Variants in PKHD1 observed in about 807,000 individuals in gnomAD.
The protein encoded by PKHD1 is PKHD1 ciliary IPT domain containing fibrocystin/polyductin, also known as fibrocystin.
PKHD1 carries 291 observed loss-of-function variants against 412.0 expected under a neutral mutation model. The ratio of observed to expected loss-of-function variants is 0.71; its 90% CI spans 0.64 to 0.78. The LOEUF is 0.78. Ranked by LOEUF, PKHD1 falls within the 30% of genes least tolerant of loss-of-function variation. The pLI, the probability that PKHD1 is intolerant of heterozygous loss-of-function variation, is 0.00. For missense variants in PKHD1, 4,825 were observed against 4,950.7 expected, an observed-to-expected ratio of 0.97 and a Z score of 0.76; for synonymous variants, 1,777 against 1,821.5, an observed-to-expected ratio of 0.98 and a Z score of 0.62.
intron 64 of PKHD1, among the ~76,000 whole-genome samples, chr6:51,636,423 T>G (rs1434868455): frequency 6.6e-6 from 1 of 152,194 alleles, no homozygotes; most frequent in East Asian, 1.9e-4. Context: ...CACACACGTC[T>G]GTAGTCCCAG....
chr6:51,894,033 T>C (rs1779508229), intron 43 of PKHD1, among the ~76,000 whole-genome samples: 1 of 152,154 alleles, frequency 6.6e-6, no homozygotes, highest in South Asian at 2.1e-4. Flanking sequence ...CCCTTGCTGT[T>C]TGAGAGCAAA....
chr6:51,811,689 A>G (rs1764708655), intron 52 of PKHD1, among the ~76,000 whole-genome samples: 1 of 152,156 alleles, frequency 6.6e-6, no homozygotes, highest in Admixed American at 6.6e-5. Context: ...GGGTGTTGTG[A>G]GGATTCCAAA....
At chr6:52,004,355 T>G (rs1798800331) in intron 35 of PKHD1, among the ~76,000 whole-genome samples, 1 of 152,216 alleles carries the variant, frequency 6.6e-6, no homozygotes, top group Non-Finnish European at 1.5e-5. Flanking sequence ...TAGTTTTCAT[T>G]TTCCTGCTGG....
Position 51,882,790 on chromosome 6 carries a change from A to G in PKHD1, c.7350+303T>C, listed in dbSNP as rs140725967. ...AAAATAACGAACTAGGCAAATTTCT[A>G]TTTCATGATTTGACCTCTTACTATG... On this transcript the variant is annotated intron_variant, in intron 46 of 66. Transcript: ENST00000371117. Among the ~76,000 whole-genome samples the G allele has an allele frequency of 2.6e-3, 402 of 152,298 alleles. 4 individuals carry two copies. Among genetic ancestry groups the G allele is most frequent in the African/African-American group, 8.7e-3 (362 of 41,566 alleles).
At chr6:51,672,367 AT>A in intron 60 of PKHD1, among the ~76,000 whole-genome samples, 1 of 152,324 alleles carries the variant, frequency 6.6e-6, no homozygotes, top group Non-Finnish European at 1.5e-5. Flanking sequence ...ATGAAGGAAT[AT>A]TTAGAGTGGA....
intron 4 of PKHD1, among the ~76,000 whole-genome samples, chr6:52,080,271 T>C (rs1247987977): frequency 6.6e-6 from 1 of 152,226 alleles, no homozygotes; most frequent in African/African-American, 2.4e-5. Context: ...AAATCATAGG[T>C]TCATTGGACT....
At chr6:51,756,351 T>C (rs1174591880) in intron 55 of PKHD1, among the ~76,000 whole-genome samples, 1 of 152,148 alleles carries the variant, frequency 6.6e-6, no homozygotes, top group Non-Finnish European at 1.5e-5. Context: ...ATGGAGCCAG[T>C]GATTGAATTA....
intron 25 of PKHD1, 86 bp from the exon 26 acceptor site, chr6:52,043,816 C>G: frequency 3.4e-6 from 3 of 870,998 alleles, no homozygotes; most frequent in Non-Finnish European, 5.9e-6. Context: ...TGCTCCCAAG[C>G]TGACACGTGT....
At chr6:52,030,914 A>T (rs13195344) in intron 29 of PKHD1, among the ~76,000 whole-genome samples, 43,113 of 152,086 alleles carry the variant, frequency 0.28, 6,323 homozygotes, top group East Asian at 0.46. Flanking sequence ...AAACAAGTGG[A>T]TGTGTAAAAG....
At chr6:51,795,477 A>G (rs1794460396) in intron 52 of PKHD1, among the ~76,000 whole-genome samples, 1 of 152,186 alleles carries the variant, frequency 6.6e-6, no homozygotes, top group Non-Finnish European at 1.5e-5. Context: ...CTGCAAACAA[A>G]GATAGTTTGA....
chr6:51,792,685 C>G (rs951874306), intron 52 of PKHD1, among the ~76,000 whole-genome samples: 3 of 152,184 alleles, frequency 2.0e-5, no homozygotes, highest in African/African-American at 7.2e-5. Context: ...TTCTGTATGC[C>G]TTTTCCCTCC....
chr6:51,735,849 A>G (rs1473864913), intron 60 of PKHD1, among the ~76,000 whole-genome samples: 3 of 152,102 alleles, frequency 2.0e-5, no homozygotes, highest in Non-Finnish European at 4.4e-5. Flanking sequence ...TGGGAGGATC[A>G]CTTGAGCCCA....
Position 52,025,175 on chromosome 6 carries a change from T to G in PKHD1, c.4635A>C (p.Pro1545=). 1 of 1,614,186 alleles carries G rather than the reference T, an allele frequency of 6.2e-7. No homozygotes were observed. The highest frequency in any genetic ancestry group is 8.5e-7 in the Non-Finnish European group (1 of 1,180,024). ...AAAAAACTGACAGGTAGTGGGGTCC[T>G]GGGGCCAAGTCTCTTGTCTGGCACA... ...HVVCQTRDLA[P]GPHYLSVFYT... The change falls in exon 32 of 67, where the codon CCA becomes CCC. Residue 1545 remains proline, a synonymous_variant. Coordinates refer to ENST00000371117, the MANE Select transcript of PKHD1 (RefSeq NM_138694.4).
chr6:51,675,955 C>G (rs1052198882), intron 60 of PKHD1, among the ~76,000 whole-genome samples: 3 of 151,936 alleles, frequency 2.0e-5, no homozygotes, highest in Admixed American at 1.3e-4. Flanking sequence ...CCTAAAATAC[C>G]CTGGTCATTC....
chr6:51,940,778 CCTT>C, intron 36 of PKHD1, among the ~76,000 whole-genome samples: 1 of 151,552 alleles, frequency 6.6e-6, no homozygotes, highest in Non-Finnish European at 1.5e-5. Context: ...CTCCACATTA[CCTT>C]CTTTTCAAGG....
At chr6:51,961,825 A>G (rs942914137) in intron 35 of PKHD1, among the ~76,000 whole-genome samples, 3 of 152,092 alleles carry the variant, frequency 2.0e-5, no homozygotes, top group Admixed American at 2.0e-4. Context: ...CAGAGATGGA[A>G]AGGACTCTAG....
rs534013408 is a variant in PKHD1 at position 51,842,817 on chromosome 6, G to A, written c.8107+4958C>T. Among the ~76,000 whole-genome samples, 5 of 152,336 alleles carry A rather than the reference G, an allele frequency of 3.3e-5. No individual in the cohort carries two copies. The East Asian group carries it at 9.6e-4, about 29-fold the overall frequency. On this transcript the variant is annotated intron_variant, in intron 50 of 66. Transcript: ENST00000371117. ...CAGCTGCCTAAGTGCTGACACAGGA[G>A]TGTGCAGAAGGCCAGGGAGGGGGCT...
intron 22 of PKHD1, among the ~76,000 whole-genome samples, chr6:52,049,910 C>T (rs1358959236): frequency 6.6e-6 from 1 of 152,166 alleles, no homozygotes; most frequent in Non-Finnish European, 1.5e-5. Context: ...TCAGCATCAC[C>T]AAGGAACTTA....
At chr6:51,815,986 A>T (rs1053041572) in intron 52 of PKHD1, among the ~76,000 whole-genome samples, 2 of 152,144 alleles carry the variant, frequency 1.3e-5, no homozygotes, top group Non-Finnish European at 1.5e-5. Context: ...ATATGTCTTT[A>T]AAAAAGGATG....
Sources: allele counts gnomAD v4.1 joint callset (sites outside exome capture counted in the v4.1 genomes callset), GRCh38; gene constraint gnomAD v4.1.1; transcripts MANE v1.5; gene names NCBI Gene and HGNC (gene_info 2026-07-23, HGNC 2026-07-21).